Variants in CHLSN observed in about 807,000 individuals in gnomAD.
The protein encoded by CHLSN is cholesin, also known as protein cholesin.
At chr7:1,028,142 G>A in the CHLSN span, 28,008 of 702,216 alleles carry the variant, frequency 0.04, 588 homozygotes, top group Middle Eastern at 0.072. Flanking sequence ...AGCAGCGTCT[G>A]GACGCCACGG....
chr7:1,123,671 A>C, the CHLSN span, among the ~76,000 whole-genome samples: 1 of 151,024 alleles, frequency 6.6e-6, no homozygotes, highest in Non-Finnish European at 1.5e-5. This position sits in a 1 kb window ranked among gnomAD's most constrained non-coding sequence, Gnocchi z 4.4. Flanking sequence ...TAGCAGAGAC[A>C]CCCCATTTCA....
chr7:994,603 C>A, the CHLSN span, among the ~76,000 whole-genome samples: 6 of 152,126 alleles, frequency 3.9e-5, no homozygotes, highest in Non-Finnish European at 8.8e-5. Flanking sequence ...GCCACCATCC[C>A]CGGATTTTTT....
the CHLSN span, among the ~76,000 whole-genome samples, chr7:1,042,520 T>C: frequency 3.3e-5 from 5 of 152,116 alleles, no homozygotes; most frequent in African/African-American, 1.2e-4. Context: ...GTACTTATTG[T>C]GGTTCAGGTG....
chr7:1,101,712 G>A, the CHLSN span, among the ~76,000 whole-genome samples: 1 of 152,204 alleles, frequency 6.6e-6, no homozygotes, highest in Non-Finnish European at 1.5e-5. Context: ...GCACGGCCAC[G>A]GCAGCCTGAA....
the CHLSN span, among the ~76,000 whole-genome samples, chr7:996,059 C>A: frequency 6.6e-6 from 1 of 152,234 alleles, no homozygotes; most frequent in South Asian, 2.1e-4. Context: ...TTAGCCCAGC[C>A]CTGGGTGTCT....
At chr7:1,008,418 C>T in the CHLSN span, among the ~76,000 whole-genome samples, 6 of 152,220 alleles carry the variant, frequency 3.9e-5, no homozygotes, top group African/African-American at 7.2e-5. Context: ...GGGCCAAGCG[C>T]GTTCTTGGAG....
At chr7:1,091,600 G>GT in the CHLSN span, 1 of 785,326 alleles carries the variant, frequency 1.3e-6, no homozygotes, top group Non-Finnish European at 2.1e-6. Context: ...CTCCTGGGGA[G>GT]TTTCCTGTCT....
At chr7:1,102,929 T>C in the CHLSN span, among the ~76,000 whole-genome samples, 28 of 152,202 alleles carry the variant, frequency 1.8e-4, no homozygotes, top group Non-Finnish European at 3.4e-4. Context: ...CTGCAGCAGC[T>C]TGAACAGAAA....
chr7:1,000,616 T>A, the CHLSN span: 1 of 1,346,458 alleles, frequency 7.4e-7, no homozygotes, highest in Non-Finnish European at 1.0e-6. Flanking sequence ...CTGTCTGCCC[T>A]GAGAGATCGG....
the CHLSN span, among the ~76,000 whole-genome samples, chr7:1,120,069 C>G: frequency 1.3e-5 from 2 of 152,068 alleles, no homozygotes; most frequent in African/African-American, 4.8e-5. Context: ...GACCTTACAT[C>G]AATTATATCT....
the CHLSN span, chr7:1,127,505 A>C: frequency 1.0e-6 from 1 of 990,618 alleles, no homozygotes; most frequent in Non-Finnish European, 1.4e-6. Flanking sequence ...AGTATTATGG[A>C]AAACATATAA....
At chr7:1,044,991 C>G in the CHLSN span, among the ~76,000 whole-genome samples, 1 of 152,274 alleles carries the variant, frequency 6.6e-6, no homozygotes, top group East Asian at 1.9e-4. Context: ...TCTCCTGGGC[C>G]ACTATGGTGA....
chr7:1,113,209 CTTT>C, the CHLSN span, among the ~76,000 whole-genome samples: 1 of 145,324 alleles, frequency 6.9e-6, no homozygotes, highest in South Asian at 2.2e-4. Context: ...GCCCCTCATG[CTTT>C]TTTTTTTTTT....
At chr7:1,058,104 G>A in the CHLSN span, 27 of 764,498 alleles carry the variant, frequency 3.5e-5, no homozygotes, top group Middle Eastern at 2.3e-4. Flanking sequence ...CATCGGCTAC[G>A]TGGTGCCAGC....
the CHLSN span, among the ~76,000 whole-genome samples, chr7:1,016,930 CA>C: frequency 3.5e-4 from 27 of 77,812 alleles, no homozygotes; most frequent in Non-Finnish European, 5.4e-4. Flanking sequence ...CAGCACACAG[CA>C]GCACACGCCA....
At chr7:1,056,974 G>A in the CHLSN span, 1 of 161,276 alleles carries the variant, frequency 6.2e-6, no homozygotes, top group Admixed American at 5.7e-5. Flanking sequence ...AGCCTCCTGT[G>A]GGCTGCGACC....
chr7:1,053,642 A>C, the CHLSN span, among the ~76,000 whole-genome samples: 2 of 152,174 alleles, frequency 1.3e-5, no homozygotes, highest in African/African-American at 4.8e-5. Context: ...AGCCTGGCCA[A>C]CATGGAGAAA....
At chr7:1,011,909 C>G in the CHLSN span, among the ~76,000 whole-genome samples, 1 of 152,226 alleles carries the variant, frequency 6.6e-6, no homozygotes, top group Admixed American at 6.5e-5. Context: ...CACACACAGG[C>G]AGGAAGCTCT....
At chr7:984,606 TG>T in the CHLSN span, 2 of 1,545,240 alleles carry the variant, frequency 1.3e-6, no homozygotes, top group East Asian at 2.4e-5. Context: ...CGGGGCCTAC[TG>T]GGTGTGGGGG....
Sources: gnomAD v4.1 joint callset for allele counts (sites outside exome capture counted in the v4.1 genomes callset) on GRCh38, gnomAD v4.1.1 for gene constraint, Gnocchi (gnomAD v3.1) non-coding constraint, MANE v1.5 for transcripts, NCBI Gene and HGNC (gene_info 2026-07-23, HGNC 2026-07-21) for gene names.